Variants in RBL1 observed in about 807,000 individuals in gnomAD.
The protein encoded by RBL1 is retinoblastoma-like protein 1.
In RBL1, 82 loss-of-function variants were observed where a neutral mutation model predicts 123.0. That is an observed-to-expected ratio of 0.67 (90% confidence interval 0.56 to 0.80). The LOEUF is 0.80. Ranked by LOEUF, RBL1 falls within the 30% of genes least tolerant of loss-of-function variation. The pLI, the probability that RBL1 is intolerant of heterozygous loss-of-function variation, is 0.00. For synonymous variants in RBL1, 405 were observed against 441.3 expected (o/e 0.92, Z 1.03); for missense variants, 1,171 against 1,299.6 (o/e 0.90, Z 1.52).
chr20:37,032,184 G>T (rs1389982633), intron 16 of RBL1, among the ~76,000 whole-genome samples: 1 of 152,140 alleles, frequency 6.6e-6, no homozygotes, highest in East Asian at 1.9e-4. Flanking sequence ...TCATATGATG[G>T]AATATTTTTT....
intron 15 of RBL1, among the ~76,000 whole-genome samples, chr20:37,033,384 C>T (rs2064546569): frequency 6.6e-6 from 1 of 151,500 alleles, no homozygotes; most frequent in Admixed American, 6.6e-5. Flanking sequence ...AGGGTTTCAC[C>T]ATGTTAGCCA....
chr20:37,059,898 C>A (rs372538132), intron 9 of RBL1, among the ~76,000 whole-genome samples: 1 of 151,654 alleles, frequency 6.6e-6, no homozygotes, highest in Non-Finnish European at 1.5e-5. Flanking sequence ...ATGGGCTGGG[C>A]GCGGTGGCTC....
intron 6 of RBL1, among the ~76,000 whole-genome samples, chr20:37,065,833 G>A (rs2065169242): frequency 6.6e-6 from 1 of 151,910 alleles, no homozygotes; most frequent in Non-Finnish European, 1.5e-5. Flanking sequence ...AGGTTCGTCT[G>A]GAACTCTTGG....
chr20:37,056,036 CAA>C (rs890079081), intron 10 of RBL1, 108 bp downstream of exon 10: 758 of 1,095,166 alleles, frequency 6.9e-4, no homozygotes, highest in East Asian at 2.1e-3. Context: ...AACTCGGTCT[CAA>C]AAAAAAAAAA....
chr20:37,031,543 C>G (rs973153409), intron 16 of RBL1, among the ~76,000 whole-genome samples: 1 of 152,052 alleles, frequency 6.6e-6, no homozygotes, highest in Non-Finnish European at 1.5e-5. Flanking sequence ...AACAAACAAA[C>G]CAGAAAACAC....
chr20:37,033,941 CTTTT>C (rs2064560452), intron 15 of RBL1, among the ~76,000 whole-genome samples: 1 of 139,928 alleles, frequency 7.1e-6, no homozygotes, highest in Middle Eastern at 3.4e-3. Flanking sequence ...TTTTTTTTTT[CTTTT>C]TCTTTTTTTT....
chr20:36,999,647 A>G (rs2146190114), intron 21 of RBL1, among the ~76,000 whole-genome samples: 1 of 152,166 alleles, frequency 6.6e-6, no homozygotes, highest in South Asian at 2.1e-4. Context: ...ACGCGCCGCC[A>G]CGCCTGACTG....
At chr20:37,067,337 G>T in intron 3 of RBL1, 40 bp from the exon 4 acceptor site, 3 of 1,412,676 alleles carry the variant, frequency 2.1e-6, no homozygotes, top group Non-Finnish European at 2.9e-6. Context: ...TGACTAGCTC[G>T]CTAAATATCA....
chr20:37,015,063 C>CAAAAAAAAAAAA (rs1185151735), intron 19 of RBL1, among the ~76,000 whole-genome samples: 19 of 70,162 alleles, frequency 2.7e-4, no homozygotes, highest in South Asian at 5.3e-4. Context: ...GACTGTATCT[C>CAAAAAAAAAAAA]AAAAAAAAAA....
chr20:37,055,309 G>GAAAAAAAAAAAA (rs59560599), intron 11 of RBL1, among the ~76,000 whole-genome samples: 6 of 84,032 alleles, frequency 7.1e-5, no homozygotes, highest in Non-Finnish European at 9.9e-5. Context: ...ATGAAGGACA[G>GAAAAAAAAAAAA]AAAAAAAAAA....
chr20:37,009,645 C>T (rs759896560), intron 19 of RBL1, among the ~76,000 whole-genome samples: 2 of 152,034 alleles, frequency 1.3e-5, no homozygotes, highest in African/African-American at 4.8e-5. Flanking sequence ...CAGACATGAG[C>T]GAACACGCCT....
intron 21 of RBL1, among the ~76,000 whole-genome samples, chr20:37,000,085 G>C (rs2063942266): frequency 6.6e-6 from 1 of 150,932 alleles, no homozygotes; most frequent in Non-Finnish European, 1.5e-5. Flanking sequence ...TGCAATGTGG[G>C]GAGCGCCTCT....
chr20:37,046,692 T>G (rs2064823556), intron 12 of RBL1, among the ~76,000 whole-genome samples: 1 of 151,192 alleles, frequency 6.6e-6, no homozygotes, highest in South Asian at 2.1e-4. Context: ...ACTGCAAACC[T>G]CCACCTCCCA....
In RBL1 at chr20:36,998,726, G is replaced by C; in HGVS notation, c.*33C>G. On this transcript the variant is annotated 3_prime_UTR_variant, in exon 22 of 22. Coordinates refer to ENST00000373664, the MANE Select transcript of RBL1 (RefSeq NM_002895.5). ...GCTCCAACTTTCTGCAGAACAATCT[G>C]AAAGTGCTTTTATCATAGAAACAAG... is the stretch of plus-strand genomic sequence containing the variant. The C allele has an allele frequency of 6.4e-7, 1 of 1,569,614 alleles. No homozygotes were observed. Among genetic ancestry groups the C allele is most frequent in the South Asian group, 1.2e-5 (1 of 86,664 alleles).
chr20:37,003,905 T>C, intron 20 of RBL1, 39 bp from the exon 21 acceptor site: 1 of 1,529,484 alleles, frequency 6.5e-7, no homozygotes, highest in Non-Finnish European at 8.8e-7. Flanking sequence ...AGATAAAAGT[T>C]TTTCTTTGTT....
chr20:37,036,625 T>TC (rs2064615845), intron 14 of RBL1, among the ~76,000 whole-genome samples: 1 of 131,334 alleles, frequency 7.6e-6, no homozygotes, highest in Non-Finnish European at 1.6e-5. Flanking sequence ...TATTTTCTTT[T>TC]CTTTTTTTTT....
chr20:37,000,080 T>C (rs1479603056), intron 21 of RBL1, among the ~76,000 whole-genome samples: 4 of 150,388 alleles, frequency 2.7e-5, no homozygotes, highest in Non-Finnish European at 3.0e-5. Flanking sequence ...TCTTCTGCAA[T>C]GTGGGGAGCG....
chr20:37,075,782 T>C (rs1036149882), intron 2 of RBL1, among the ~76,000 whole-genome samples: 91 of 152,260 alleles, frequency 6.0e-4, no homozygotes, highest in African/African-American at 2.1e-3. Context: ...TAGAGGCAAT[T>C]TGGCAACATG....
intron 3 of RBL1, 106 bp downstream of exon 3, chr20:37,067,880 G>A (rs1236605033): frequency 8.0e-7 from 1 of 1,256,404 alleles, no homozygotes; most frequent in East Asian, 2.6e-5. Context: ...AAATAATTAA[G>A]TTCTTTGCAG....
Sources: allele counts gnomAD v4.1 joint callset (sites outside exome capture counted in the v4.1 genomes callset), GRCh38; gene constraint gnomAD v4.1.1; transcripts MANE v1.5; gene names NCBI Gene and HGNC (gene_info 2026-07-23, HGNC 2026-07-21).